CPLX2: variants seen among roughly 807,000 people sequenced by gnomAD.
The protein encoded by CPLX2 is complexin 2.
A neutral mutation model predicts 16.3 loss-of-function variants in CPLX2; 5 were observed. The observed-to-expected ratio is 0.31, with a 90% CI of 0.16 to 0.64. The LOEUF is 0.64. CPLX2 is among the 30% of genes least tolerant of loss of function. CPLX2 has a pLI of 0.79. For missense variants in CPLX2, 144 were observed against 181.4 expected, an observed-to-expected ratio of 0.79 and a Z score of 1.18; for synonymous variants, 89 against 73.2, an observed-to-expected ratio of 1.22 and a Z score of -1.10.
intron 1 of CPLX2, among the ~76,000 whole-genome samples, chr5:175,802,801 A>C (rs563151855): frequency 7.9e-5 from 12 of 152,158 alleles, no homozygotes; most frequent in African/African-American, 2.9e-4. Flanking sequence ...ATGCTCAACA[A>C]ATGTGCTTCC....
chr5:175,858,427 C>G (rs1759301367), intron 2 of CPLX2, among the ~76,000 whole-genome samples: 1 of 152,220 alleles, frequency 6.6e-6, no homozygotes, highest in African/African-American at 2.4e-5. Context: ...TCCACGAAGA[C>G]CCTGGCAGGG....
chr5:175,828,836 C>T (rs1758670845), intron 2 of CPLX2, among the ~76,000 whole-genome samples: 1 of 152,206 alleles, frequency 6.6e-6, no homozygotes, highest in African/African-American at 2.4e-5. Flanking sequence ...CAAACCAGCC[C>T]ACCAAACCCA....
At chr5:175,841,037 CT>C (rs1478515169) in intron 2 of CPLX2, among the ~76,000 whole-genome samples, 1 of 152,180 alleles carries the variant, frequency 6.6e-6, no homozygotes, top group Admixed American at 6.5e-5. Context: ...GAACTGAGAA[CT>C]CTCTAACTAT....
chr5:175,868,910 T>C (rs1759527856), upstream of CPLX2, among the ~76,000 whole-genome samples: 1 of 152,172 alleles, frequency 6.6e-6, no homozygotes, highest in Non-Finnish European at 1.5e-5. Flanking sequence ...TTTATCTCCC[T>C]GGGCCTCAAC....
At chr5:175,869,980 G>A (rs1759554558), upstream of CPLX2, among the ~76,000 whole-genome samples, 1 of 152,206 alleles carries the variant, frequency 6.6e-6, no homozygotes, top group Non-Finnish European at 1.5e-5. Flanking sequence ...CATGAAGAAA[G>A]AGGGGACGGG....
In CPLX2 at chr5:175,878,943, G is replaced by C; in HGVS notation, c.67G>C (p.Glu23Gln). The C allele has an allele frequency of 1.2e-6, 2 of 1,612,364 alleles. No individual in the cohort carries two copies. The highest frequency in any genetic ancestry group is 1.7e-6 in the Non-Finnish European group (2 of 1,179,254). The part of the protein sequence containing the change: ...TKDMGKMLGG[E>Q]EEKDPDAQKK... ...GGACATGGGGAAGATGCTGGGGGGA[G>C]AGGAGGAGAAGGACCCCGACGCGCA... Residue 23 changes from glutamate (E) to glutamine (Q), a missense_variant, in exon 3 of 4, where the codon GAG becomes CAG. Coordinates refer to ENST00000393745, the MANE Select transcript of CPLX2 (RefSeq NM_001008220.2).
intron 1 of CPLX2, among the ~76,000 whole-genome samples, chr5:175,808,521 C>A (rs754919287): frequency 6.6e-6 from 1 of 151,978 alleles, no homozygotes; most frequent in Non-Finnish European, 1.5e-5. Flanking sequence ...GCAATCATAA[C>A]AAGCACTTAT....
chr5:175,853,328 C>G (rs1759191961), intron 2 of CPLX2, among the ~76,000 whole-genome samples: 1 of 152,230 alleles, frequency 6.6e-6, no homozygotes, highest in East Asian at 1.9e-4. Flanking sequence ...CTGGCAACAG[C>G]CTCACACGGT....
chr5:175,832,631 T>C (rs918568723), intron 2 of CPLX2, among the ~76,000 whole-genome samples: 2 of 152,122 alleles, frequency 1.3e-5, no homozygotes, highest in African/African-American at 4.8e-5. Context: ...GAAAGTAGAA[T>C]CAAACCTCCC....
intron 2 of CPLX2, among the ~76,000 whole-genome samples, chr5:175,850,922 G>C (rs1308220546): frequency 6.6e-6 from 1 of 151,526 alleles, no homozygotes; most frequent in Non-Finnish European, 1.5e-5. Context: ...GAGTGGGGCT[G>C]GGAAGGCCTG....
At chr5:175,843,448 C>T (rs1427525393) in intron 2 of CPLX2, among the ~76,000 whole-genome samples, 1 of 152,240 alleles carries the variant, frequency 6.6e-6, no homozygotes, top group Non-Finnish European at 1.5e-5. Flanking sequence ...CACATGTGTG[C>T]ATGCTTACTA....
intron 2 of CPLX2, among the ~76,000 whole-genome samples, chr5:175,860,490 AAAG>A (rs1471990368): frequency 1.9e-4 from 14 of 75,424 alleles, no homozygotes; most frequent in African/African-American, 8.0e-4. Context: ...AGAAAGAAAG[AAAG>A]AAAGAAAAGA....
At chr5:175,874,815 C>G (rs559937362) in intron 1 of CPLX2, among the ~76,000 whole-genome samples, 1 of 151,868 alleles carries the variant, frequency 6.6e-6, no homozygotes, top group Non-Finnish European at 1.5e-5. Flanking sequence ...GCAGGAGAGG[C>G]AGGAGGGGAG....
intron 1 of CPLX2, among the ~76,000 whole-genome samples, chr5:175,804,743 G>A (rs928132496): frequency 1.1e-4 from 17 of 152,130 alleles, no homozygotes; most frequent in African/African-American, 2.9e-4. Flanking sequence ...TGACACACAC[G>A]TTTAAGTCTG....
intron 2 of CPLX2, among the ~76,000 whole-genome samples, chr5:175,827,078 C>T (rs1188798386): frequency 6.6e-6 from 1 of 152,194 alleles, no homozygotes; most frequent in Admixed American, 6.5e-5. Context: ...AGCTCAGCAG[C>T]TGCAGCAACA....
intron 2 of CPLX2, among the ~76,000 whole-genome samples, chr5:175,829,003 A>C (rs1414855872): frequency 1.3e-5 from 2 of 152,088 alleles, no homozygotes; most frequent in African/African-American, 2.4e-5. Context: ...AACACACCTG[A>C]CTGGGCCTCT....
upstream of CPLX2, among the ~76,000 whole-genome samples, chr5:175,871,196 G>C (rs1759583555): frequency 6.6e-6 from 1 of 151,804 alleles, no homozygotes; most frequent in Non-Finnish European, 1.5e-5. Context: ...CTCAGGAGCA[G>C]CAAGCTTGTG....
intron 2 of CPLX2, among the ~76,000 whole-genome samples, chr5:175,813,353 A>C (rs552418154): frequency 4.8e-4 from 73 of 152,370 alleles, no homozygotes; most frequent in Admixed American, 2.0e-4. Flanking sequence ...GGAATGACTG[A>C]AATTTGGGGG....
intron 2 of CPLX2, among the ~76,000 whole-genome samples, chr5:175,860,643 G>GAAGGAAGGAAGGAAGA (rs1759356622): frequency 6.6e-6 from 1 of 150,534 alleles, no homozygotes; most frequent in African/African-American, 2.4e-5. Context: ...AGGAAGGAAG[G>GAAGGAAGGAAGGAAGA]GTCTCTTTCC....
Sources: gnomAD v4.1 joint callset for allele counts (sites outside exome capture counted in the v4.1 genomes callset) on GRCh38, gnomAD v4.1.1 for gene constraint, MANE v1.5 for transcripts, NCBI Gene and HGNC (gene_info 2026-07-23, HGNC 2026-07-21) for gene names.